Variants in PARP14 observed in about 807,000 individuals in gnomAD.
The protein encoded by PARP14 is poly(ADP-ribose) polymerase family member 14.
PARP14 carries 59 observed loss-of-function variants against 154.2 expected under a neutral mutation model. The observed-to-expected ratio is 0.38, with a 90% CI of 0.31 to 0.48. The LOEUF (loss-of-function observed/expected upper bound fraction) is 0.48. PARP14 is among the 20% of genes least tolerant of loss of function. The pLI, the probability that PARP14 is intolerant of heterozygous loss-of-function variation, is 0.98. For missense variants in PARP14, 1,734 were observed against 2,131.6 expected (o/e 0.81, Z 3.67); for synonymous variants, 720 against 780.5 (o/e 0.92, Z 1.29).
rs1203272359 is a variant in PARP14 at position 122,730,115 on chromosome 3, GGA to G, written c.*1519_*1520del. On this transcript the variant is annotated 3_prime_UTR_variant, in exon 17 of 17. Coordinates refer to ENST00000474629, the MANE Select transcript of PARP14 (RefSeq NM_017554.3). ...AATTATCTCTGCATTTGAAACTTGAGGAAACATGCTCAGAGTGCAAGAAGCTT... is the reference window on the plus strand; with the variant it reads ...AATTATCTCTGCATTTGAAACTTGAGAACATGCTCAGAGTGCAAGAAGCTT... The G allele has an allele frequency of 1.2e-4, 19 of 152,132 alleles. No homozygotes were observed. The highest frequency in any genetic ancestry group is 9.8e-4 in the Admixed American group (15 of 15,268). 9.4% of individuals were successfully genotyped at this position (152,132 alleles called of 1,614,324 possible). A position where few individuals can be genotyped will look rare whatever the true frequency, so the allele number is the denominator to read the frequency against.
At chr3:122,727,447 G>A (rs1933315036) in intron 15 of PARP14, among the ~76,000 whole-genome samples, 1 of 152,336 alleles carries the variant, frequency 6.6e-6, no homozygotes, top group East Asian at 1.9e-4. Flanking sequence ...GACTGAGGTG[G>A]TGAGAGGCAA....
intron 7 of PARP14, among the ~76,000 whole-genome samples, chr3:122,704,322 A>G (rs575717522): frequency 6.6e-6 from 1 of 152,360 alleles, no homozygotes; most frequent in East Asian, 1.9e-4. Context: ...TCTTTCCTTC[A>G]TTGTGAATGT....
At chr3:122,704,781 A>T (rs1939099327) in intron 8 of PARP14, 33 bp downstream of exon 8, 2 of 1,212,674 alleles carry the variant, frequency 1.6e-6, no homozygotes, top group East Asian at 4.9e-5. Flanking sequence ...TTATTTTGGC[A>T]ACTGAGACCT....
At chr3:122,719,586 A>G (rs1933108037) in intron 14 of PARP14, among the ~76,000 whole-genome samples, 1 of 152,250 alleles carries the variant, frequency 6.6e-6, no homozygotes, top group African/African-American at 2.4e-5. Context: ...GTCCCCTTTG[A>G]AAATGAGTAA....
chr3:122,683,168 C>T (rs1216804751), intron 1 of PARP14: 2 of 252,142 alleles, frequency 7.9e-6, no homozygotes, highest in Non-Finnish European at 1.3e-5. Flanking sequence ...CAGTTTCCTA[C>T]TTGAGGAACC....
At chr3:122,717,060 T>C (rs946820102) in intron 12 of PARP14, among the ~76,000 whole-genome samples, 1 of 152,228 alleles carries the variant, frequency 6.6e-6, no homozygotes, top group Non-Finnish European at 1.5e-5. Context: ...CAAAAGAGAA[T>C]TTCCCTCGTT....
At chr3:122,725,407 CA>C (rs1323709178) in intron 15 of PARP14, among the ~76,000 whole-genome samples, 2 of 150,206 alleles carry the variant, frequency 1.3e-5, no homozygotes, top group African/African-American at 4.9e-5. Flanking sequence ...CCCCACCTCC[CA>C]GACAGGGCGG....
chr3:122,683,339 A>G (rs1938273684), intron 1 of PARP14: 7 of 950,974 alleles, frequency 7.4e-6, no homozygotes, highest in Non-Finnish European at 7.5e-6. Flanking sequence ...TTTGATTCAT[A>G]TAAACTGTAA....
intron 6 of PARP14, among the ~76,000 whole-genome samples, chr3:122,702,993 T>TAAAAAAAAAAAAAA (rs10707029): frequency 4.8e-5 from 4 of 83,928 alleles, no homozygotes; most frequent in African/African-American, 1.3e-4. Context: ...CCCTCTCTCT[T>TAAAAAAAAAAAAAA]AAAAAAAAAA....
Position 122,680,941 on chromosome 3 carries a change from C to A in PARP14, c.58C>A (p.Pro20Thr). The A allele has an allele frequency of 6.2e-7, 1 of 1,613,336 alleles. No individual in the cohort carries two copies. Residue 20 changes from proline (P) to threonine (T), a missense_variant, in exon 1 of 17, where the codon CCG becomes ACG. By Grantham distance (38) the Pro-to-Thr change is conservative. This residue lies in a region of PARP14 where 1,646 missense variants were observed against 1,976.0 expected (regional missense o/e 0.83). Transcript: ENST00000474629. ...CGAGGGCTCCTGGGGCCCCGACCCCCCGAAGAACTTGAACACCAAGTTGCA... is the reference window on the plus strand; with the variant it reads ...CGAGGGCTCCTGGGGCCCCGACCCCACGAAGAACTTGAACACCAAGTTGCA... Reference protein sequence around the residue: ...LVEGSWGPDPPKNLNTKLQMY... With the variant: ...LVEGSWGPDPTKNLNTKLQMY...
rs1005724049 is a variant in PARP14, at chr3:122,701,834, C to T, written c.3081+199C>T. Reference sequence around the variant, plus strand: ...AAATCATTTACTAATAGAGATCGGCCAATTATTTGTGAGAACTGAAAGGGT... The same window carrying T: ...AAATCATTTACTAATAGAGATCGGCTAATTATTTGTGAGAACTGAAAGGGT... On this transcript the variant is annotated intron_variant, in intron 6 of 16. Transcript: ENST00000474629. The surrounding 1 kb of genome is among the most constrained non-coding windows in gnomAD (Gnocchi z 4.0). Among the ~76,000 whole-genome samples, 5 of 152,118 alleles carry T rather than the reference C, an allele frequency of 3.3e-5. No individual in the cohort carries two copies. Among genetic ancestry groups the T allele is most frequent in the Non-Finnish European group, 7.4e-5 (5 of 68,016 alleles).
chr3:122,683,952 T>A (rs562895736), intron 1 of PARP14, among the ~76,000 whole-genome samples: 2 of 152,258 alleles, frequency 1.3e-5, no homozygotes, highest in South Asian at 4.2e-4. Context: ...CCCACCTTGG[T>A]TTAGTAAAGC....
At chr3:122,695,019 G>C (rs116727235) in intron 4 of PARP14, among the ~76,000 whole-genome samples, 7 of 152,236 alleles carry the variant, frequency 4.6e-5, no homozygotes, top group Non-Finnish European at 8.8e-5. Flanking sequence ...AACCGAAGGT[G>C]ATGCTTGGAA....
rs1017161744 is a variant in PARP14, at chr3:122,730,595, C to G, written c.*1998C>G. On this transcript the variant is annotated 3_prime_UTR_variant, in exon 17 of 17. Transcript: ENST00000474629. ...CTCCTTGTTGCTTAAGAGTGGCTTT[C>G]TAGGCAGGCCACTGGCATCTGAATT... 3 of 152,486 alleles carry G rather than the reference C, an allele frequency of 2.0e-5. No homozygotes were observed. Among genetic ancestry groups the G allele is most frequent in the Non-Finnish European group, 4.4e-5 (3 of 68,000 alleles). The allele number at this position is 152,486 out of a possible 1,614,324, so 9.4% of individuals were successfully genotyped here. A position where few individuals can be genotyped will look rare whatever the true frequency, so the allele number is the denominator to read the frequency against.
chr3:122,714,811 T>C (rs1354533269), intron 12 of PARP14, among the ~76,000 whole-genome samples: 1 of 152,118 alleles, frequency 6.6e-6, no homozygotes, highest in African/African-American at 2.4e-5. Flanking sequence ...TCCTCCTCTT[T>C]CCCCTCTCCA....
Position 122,718,173 on chromosome 3 carries a change from T to C in PARP14, c.4103T>C (p.Val1368Ala), listed in dbSNP as rs1295762318. 4 of 1,613,538 alleles carry C rather than the reference T, an allele frequency of 2.5e-6. No homozygotes were observed. The South Asian group carries it at 4.4e-5, about 18-fold the overall frequency. The change falls in exon 13 of 17, where the codon GTT becomes GCT. Residue 1368 changes from valine to alanine, a missense_variant. Coordinates refer to ENST00000474629, the MANE Select transcript of PARP14 (RefSeq NM_017554.3). ...GCCCAGTCTGTGAAAAAAGTTAAAG[T>C]TGTTATCTTTCTGCCTCAAGTACTG... ...GSAQSVKKVKVVIFLPQVLDV... is the reference protein window; with the variant it reads ...GSAQSVKKVKAVIFLPQVLDV...
chr3:122,720,716 G>A (rs1437995715), intron 15 of PARP14: 3 of 459,838 alleles, frequency 6.5e-6, no homozygotes, highest in Non-Finnish European at 1.3e-5. Flanking sequence ...GAGCCATGCA[G>A]AGGCTCCTTA....
chr3:122,692,252 T>C, intron 3 of PARP14, 49 bp from the exon 4 acceptor site: 1 of 1,546,924 alleles, frequency 6.5e-7, no homozygotes, highest in Non-Finnish European at 8.8e-7. Flanking sequence ...GCTAAGACCA[T>C]GGTAGATAAG....
chr3:122,694,468 A>T lies in PARP14; in HGVS notation c.599-958A>T, dbSNP rs538858014. Among the ~76,000 whole-genome samples, 333 of 152,256 alleles carry T rather than the reference A, an allele frequency of 2.2e-3. 2 individuals carry two copies. Among genetic ancestry groups the T allele is most frequent in the Non-Finnish European group, 1.5e-3 (104 of 68,024 alleles). On this transcript the variant is annotated intron_variant, in intron 4 of 16. Transcript: ENST00000474629. ...GATGATGCACTGGCAAAGATTTGTT[A>T]TATTTATTTCTGTATCCTCAGATCC...
Sources: gnomAD v4.1 joint callset for allele counts (sites outside exome capture counted in the v4.1 genomes callset) on GRCh38, gnomAD v4.1.1 for gene constraint, gnomAD v4.1.1 regional missense constraint, Gnocchi (gnomAD v3.1) non-coding constraint, MANE v1.5 for transcripts, NCBI Gene and HGNC (gene_info 2026-07-23, HGNC 2026-07-21) for gene names.